The following ZNF717 variants were observed in gnomAD, a reference collection of about 807,000 sequenced individuals.
ZNF717 encodes the protein zinc finger protein 717, also known as krueppel-like factor X17.
A neutral mutation model predicts 13.8 loss-of-function variants in ZNF717; 9 were observed. The observed-to-expected ratio is 0.65, with a 90% CI of 0.39 to 1.14. The LOEUF (loss-of-function observed/expected upper bound fraction) is 1.14, where lower values mean the gene tolerates loss of function less well. ZNF717 is among the 50% of genes most tolerant of loss of function. The probability of loss-of-function intolerance (pLI) is 0.01; values close to 1 mark genes in which losing one functional copy is unlikely to be tolerated. For synonymous variants in ZNF717, 327 were observed against 364.1 expected, an observed-to-expected ratio of 0.90 and a Z score of 1.16; for missense variants, 1,040 against 1,080.7, an observed-to-expected ratio of 0.96 and a Z score of 0.53.
chr3:75,707,920 C>T (rs1451137264), downstream of ZNF717, among the ~76,000 whole-genome samples: 2 of 152,342 alleles, frequency 1.3e-5, no homozygotes, highest in South Asian at 2.1e-4. Context: ...CTGCCATTGC[C>T]CAGGCTTGAT....
intron 5 of ZNF717, among the ~76,000 whole-genome samples, chr3:75,715,372 A>G (rs3009061): frequency 0.29 from 43,094 of 150,510 alleles, 6,468 homozygotes; most frequent in East Asian, 0.55. Context: ...TAAATTATTT[A>G]TAATTTTTAT....
intron 2 of ZNF717, among the ~76,000 whole-genome samples, chr3:75,758,976 T>A (rs1254118259): frequency 7.1e-6 from 1 of 140,862 alleles, no homozygotes; most frequent in Non-Finnish European, 1.6e-5. Flanking sequence ...TGAAATCCTA[T>A]CACACACACA....
downstream of ZNF717, among the ~76,000 whole-genome samples, chr3:75,734,821 T>A (rs866732550): frequency 5.1e-3 from 166 of 32,818 alleles, no homozygotes; most frequent in African/African-American, 0.016. Context: ...ATATATATTT[T>A]TTTTTTTTTT....
chr3:75,718,126 T>G, intron 4 of ZNF717, among the ~76,000 whole-genome samples: 1 of 152,158 alleles, frequency 6.6e-6, no homozygotes, highest in Non-Finnish European at 1.5e-5. Flanking sequence ...ACGTCGAACA[T>G]GGACCTCAGA....
At chr3:75,717,802 T>C (rs1367409704) in intron 4 of ZNF717, among the ~76,000 whole-genome samples, 29 of 152,352 alleles carry the variant, frequency 1.9e-4, no homozygotes, top group African/African-American at 6.3e-4. Context: ...CTTGTGGGAT[T>C]TGTTTGCTTC....
chr3:75,765,157 T>C (rs926193449), intron 2 of ZNF717, among the ~76,000 whole-genome samples: 2 of 151,704 alleles, frequency 1.3e-5, no homozygotes, highest in African/African-American at 4.8e-5. Context: ...ACAAATATTA[T>C]ATAACCCCAG....
chr3:75,755,052 T>C (rs1190846365), intron 2 of ZNF717, among the ~76,000 whole-genome samples: 10 of 152,172 alleles, frequency 6.6e-5, no homozygotes, highest in South Asian at 2.1e-4. Context: ...ATTCAAAATG[T>C]TGACAGAAAA....
chr3:75,759,625 G>A (rs549650256), intron 2 of ZNF717, among the ~76,000 whole-genome samples: 521 of 152,116 alleles, frequency 3.4e-3, no homozygotes, highest in African/African-American at 0.012. Flanking sequence ...GAGGAGCGCA[G>A]TGGCACTATC....
At chr3:75,719,305 TA>T (rs1938124398) in intron 4 of ZNF717, among the ~76,000 whole-genome samples, 1 of 151,136 alleles carries the variant, frequency 6.6e-6, no homozygotes, top group Non-Finnish European at 1.5e-5. Flanking sequence ...AAAAGAATAT[TA>T]AAACAGATAC....
At chr3:75,742,339 A>AAAAAAAAAG (rs751643617) in intron 2 of ZNF717, among the ~76,000 whole-genome samples, 2 of 137,372 alleles carry the variant, frequency 1.5e-5, no homozygotes, top group Non-Finnish European at 1.5e-5. Flanking sequence ...AAAAAAAAAA[A>AAAAAAAAAG]GAATAAAATT....
chr3:75,696,862 C>T (rs1455039027), intron 6 of ZNF717, among the ~76,000 whole-genome samples: 1 of 144,286 alleles, frequency 6.9e-6, no homozygotes, highest in East Asian at 2.2e-4. Context: ...CATTGCACTC[C>T]AACCTGGGTG....
rs1311327112 is a variant in ZNF717, at chr3:75,738,923, G to A, written c.700C>T (p.Gln234Ter). The part of the protein sequence containing the change: ...FFIHKRVHIV[Q>*]TFGKYNEYEK... ...TATTCATTATATTTACCAAAGGTCT[G>A]TACTATATGAACCCTCTTATGTATA... The change falls in exon 5 of 5, where the codon CAG becomes TAG. Residue 234 changes from glutamine to a stop codon, truncating the protein, a stop_gained. Transcript: ENST00000652011. LOFTEE classifies it low-confidence loss of function (END_TRUNC). 1.3e-6 allele frequency: 2 copies of A among 1,551,520 alleles called. No homozygotes were observed. Among genetic ancestry groups the A allele is most frequent in the East Asian group, 4.9e-5 (2 of 40,912 alleles).
chr3:75,758,527 C>A (rs1031900359), intron 2 of ZNF717, among the ~76,000 whole-genome samples: 1 of 152,148 alleles, frequency 6.6e-6, no homozygotes, highest in Non-Finnish European at 1.5e-5. Context: ...AGGATTGAAT[C>A]CAATTTTGAA....
At chr3:75,746,252 T>C (rs1941162812) in intron 2 of ZNF717, among the ~76,000 whole-genome samples, 1 of 152,216 alleles carries the variant, frequency 6.6e-6, no homozygotes, top group African/African-American at 2.4e-5. Context: ...ATGTGCCACA[T>C]TTTCTTAATC....
downstream of ZNF717, among the ~76,000 whole-genome samples, chr3:75,706,259 C>A (rs1455189219): frequency 6.6e-6 from 1 of 152,312 alleles, no homozygotes; most frequent in African/African-American, 2.4e-5. Flanking sequence ...TACACTAACA[C>A]TGACCCTGAC....
At chr3:75,768,538 T>C (rs1213471167) in intron 2 of ZNF717, among the ~76,000 whole-genome samples, 3 of 145,430 alleles carry the variant, frequency 2.1e-5, no homozygotes, top group Admixed American at 6.9e-5. Flanking sequence ...TGCGGCTGAG[T>C]GTGTGGGGGG....
intron 2 of ZNF717, among the ~76,000 whole-genome samples, chr3:75,754,949 G>T (rs1010020262): frequency 9.7e-5 from 14 of 144,150 alleles, no homozygotes; most frequent in African/African-American, 3.5e-4. Context: ...ACCAGAGGTG[G>T]GGCAGAAAAC....
downstream of ZNF717, among the ~76,000 whole-genome samples, chr3:75,728,987 A>G (rs1345401283): frequency 2.7e-5 from 4 of 148,790 alleles, no homozygotes; most frequent in Admixed American, 2.7e-4. Flanking sequence ...GCATTTATAC[A>G]TAACATAGAC....
chr3:75,751,647 T>A (rs1575836846), intron 2 of ZNF717, among the ~76,000 whole-genome samples: 1 of 151,452 alleles, frequency 6.6e-6, no homozygotes, highest in East Asian at 1.9e-4. Flanking sequence ...GTGGTGTGAA[T>A]GTTTGTCCCT....
Sources: gnomAD v4.1 joint callset for allele counts (sites outside exome capture counted in the v4.1 genomes callset) on GRCh38, gnomAD v4.1.1 for gene constraint, MANE v1.5 for transcripts, NCBI Gene and HGNC (gene_info 2026-07-23, HGNC 2026-07-21) for gene names.